The following F13A1 variants were observed in gnomAD, a reference collection of about 807,000 sequenced individuals.
The protein encoded by F13A1 is FSF, A subunit.
A neutral mutation model predicts 80.1 loss-of-function variants in F13A1; 47 were observed. The observed-to-expected ratio is 0.59, with a 90% CI of 0.46 to 0.75. The LOEUF (loss-of-function observed/expected upper bound fraction) is 0.75. Ranked by LOEUF, F13A1 falls within the 30% of genes least tolerant of loss-of-function variation. F13A1 has a pLI of 0.00. For synonymous variants in F13A1, 349 were observed against 344.9 expected (o/e 1.01, Z -0.13); for missense variants, 817 against 930.4 (o/e 0.88, Z 1.59).
intron 6 of F13A1, among the ~76,000 whole-genome samples, chr6:6,242,679 AAAAC>A (rs1309384818): frequency 1.3e-5 from 2 of 152,214 alleles, no homozygotes; most frequent in Admixed American, 1.3e-4. Flanking sequence ...TCTGAATTGC[AAAAC>A]AAACAAGCCC....
At chr6:6,254,952 G>T (rs549753808) in intron 4 of F13A1, among the ~76,000 whole-genome samples, 1 of 152,200 alleles carries the variant, frequency 6.6e-6, no homozygotes, top group African/African-American at 2.4e-5. Flanking sequence ...CATTTAAAAA[G>T]AGATTAACAA....
At chr6:6,225,298 G>T (rs1332000486) in intron 6 of F13A1, among the ~76,000 whole-genome samples, 2 of 152,152 alleles carry the variant, frequency 1.3e-5, no homozygotes, top group Non-Finnish European at 2.9e-5. Flanking sequence ...GAAATTAGTG[G>T]TCTAATGGAT....
chr6:6,222,035 C>T lies in F13A1; in HGVS notation c.1110G>A (p.Val370=). 4 of 1,613,802 alleles carry T rather than the reference C, an allele frequency of 2.5e-6. No homozygotes were observed. The highest frequency in any genetic ancestry group is 3.4e-6 in the Non-Finnish European group (4 of 1,179,886). Residue 370 remains valine, a splice_region_variant and synonymous_variant, in exon 8 of 15, where the codon GTG becomes GTA. Coordinates refer to ENST00000264870, the MANE Select transcript of F13A1 (RefSeq NM_000129.4). ...ATGCCATTGTCAATCAAACTCACCACACTGAATCCTTGGTGAGTTTGGAAT... is the reference window on the plus strand; with the variant it reads ...ATGCCATTGTCAATCAAACTCACCATACTGAATCCTTGGTGAGTTTGGAAT... ...NVNSKLTKDS[V]WNYHCWNEAW... is the part of the protein sequence containing the mutation.
At chr6:6,192,298 C>A (rs1561649663) in intron 10 of F13A1, among the ~76,000 whole-genome samples, 1 of 152,050 alleles carries the variant, frequency 6.6e-6, no homozygotes, top group African/African-American at 2.4e-5. Flanking sequence ...AAGAATAATT[C>A]TCTTGCTCTG....
intron 2 of F13A1, among the ~76,000 whole-genome samples, chr6:6,313,722 T>G (rs1758640129): frequency 6.6e-6 from 1 of 152,206 alleles, no homozygotes; most frequent in South Asian, 2.1e-4. Context: ...TCACATTTCT[T>G]TTGGGTACCC....
Position 6,197,216 on chromosome 6 carries a change from GT to G in F13A1, c.1216+6del. On this transcript the variant is annotated splice_donor_region_variant and intron_variant, in intron 9 of 14. Transcript: ENST00000264870. ...AGCAAGTTCCCAGAGGGAGGACACA[GT>G]TTTACCATCGCTATTTTCCTGGGGG... The G allele has an allele frequency of 6.2e-7, 1 of 1,613,470 alleles. No individual in the cohort carries two copies. The highest frequency in any genetic ancestry group is 8.5e-7 in the Non-Finnish European group (1 of 1,179,426).
At chr6:6,310,312 C>G (rs143606391) in intron 2 of F13A1, among the ~76,000 whole-genome samples, 5 of 152,242 alleles carry the variant, frequency 3.3e-5, no homozygotes, top group African/African-American at 1.2e-4. Flanking sequence ...ATGTAAATGA[C>G]TATGGAAACT....
intron 3 of F13A1, among the ~76,000 whole-genome samples, chr6:6,283,031 T>C (rs1401156629): frequency 6.6e-6 from 1 of 152,176 alleles, no homozygotes; most frequent in East Asian, 1.9e-4. Flanking sequence ...AATCGAGTGG[T>C]TAAGTTAACA....
chr6:6,225,251 T>C (rs1381300505), intron 6 of F13A1, among the ~76,000 whole-genome samples: 1 of 152,098 alleles, frequency 6.6e-6, no homozygotes, highest in Non-Finnish European at 1.5e-5. Context: ...GTAGGGAACT[T>C]GTCTTGGTGG....
At chr6:6,176,217 A>C (rs2151075529) in intron 11 of F13A1, among the ~76,000 whole-genome samples, 1 of 152,366 alleles carries the variant, frequency 6.6e-6, no homozygotes, top group Admixed American at 6.5e-5. Flanking sequence ...ATGCTAGTTT[A>C]AAGGTATTGT....
At chr6:6,190,509 G>C (rs1259228519) in intron 10 of F13A1, among the ~76,000 whole-genome samples, 5 of 149,974 alleles carry the variant, frequency 3.3e-5, no homozygotes, top group African/African-American at 1.2e-4. Flanking sequence ...TTCCCCTGCT[G>C]GGGGGTGCCT....
intron 3 of F13A1, among the ~76,000 whole-genome samples, chr6:6,297,261 T>G (rs943896171): frequency 6.6e-6 from 1 of 152,132 alleles, no homozygotes; most frequent in Non-Finnish European, 1.5e-5. Context: ...GCTGGCCTCA[T>G]GAAATGACTT....
At chr6:6,197,373 A>C in intron 8 of F13A1, 47 bp from the exon 9 acceptor site, 4 of 1,545,758 alleles carry the variant, frequency 2.6e-6, no homozygotes, top group Non-Finnish European at 3.6e-6. Flanking sequence ...ATCACACCCA[A>C]TGCTCCAAGA....
chr6:6,184,043 C>T (rs374160834), intron 10 of F13A1, among the ~76,000 whole-genome samples: 1 of 152,160 alleles, frequency 6.6e-6, no homozygotes, highest in Non-Finnish European at 1.5e-5. Context: ...TTTACTTTCT[C>T]ACAGAATGTT....
At chr6:6,164,326 G>T (rs1760627766) in intron 13 of F13A1, among the ~76,000 whole-genome samples, 1 of 152,108 alleles carries the variant, frequency 6.6e-6, no homozygotes, top group African/African-American at 2.4e-5. Context: ...CAGACACTGG[G>T]GTCTACTGGA....
At chr6:6,300,748 G>A (rs558131427) in intron 3 of F13A1, among the ~76,000 whole-genome samples, 30 of 149,154 alleles carry the variant, frequency 2.0e-4, no homozygotes, top group Admixed American at 5.3e-4. Context: ...GTTCCTATTC[G>A]GCCATCTTGG....
intron 13 of F13A1, among the ~76,000 whole-genome samples, chr6:6,161,004 C>A (rs892595270): frequency 2.6e-5 from 4 of 152,132 alleles, no homozygotes; most frequent in Non-Finnish European, 5.9e-5. Flanking sequence ...TTCCTGACAT[C>A]CTGCAAAGGC....
At chr6:6,198,897 A>G (rs114667556) in intron 8 of F13A1, among the ~76,000 whole-genome samples, 1 of 152,150 alleles carries the variant, frequency 6.6e-6, no homozygotes, top group South Asian at 2.1e-4. Context: ...GTCTCCAGGT[A>G]TTTGGGAAGT....
At chr6:6,281,711 C>T (rs1312102299) in intron 3 of F13A1, among the ~76,000 whole-genome samples, 2 of 151,970 alleles carry the variant, frequency 1.3e-5, no homozygotes, top group African/African-American at 2.4e-5. Context: ...GTATGGAGGA[C>T]GGCCGGGCTT....
Sources: allele counts gnomAD v4.1 joint callset (sites outside exome capture counted in the v4.1 genomes callset), GRCh38; gene constraint gnomAD v4.1.1; transcripts MANE v1.5; gene names NCBI Gene and HGNC (gene_info 2026-07-23, HGNC 2026-07-21).